ZNF141: variants seen among roughly 807,000 people sequenced by gnomAD.
ZNF141 encodes the protein zinc finger protein 141, also known as zinc finger protein 141 (clone pHZ-44).
Under a neutral mutation model 11.3 loss-of-function variants are expected in ZNF141, and 7 were observed. That is an observed-to-expected ratio of 0.62 (90% CI 0.35 to 1.16). ZNF141 has a LOEUF of 1.16. Among genes scored for constraint, ZNF141 ranks in the 50% most tolerant of loss-of-function variants. The probability of loss-of-function intolerance (pLI) is 0.02; values close to 1 mark genes in which losing one functional copy is unlikely to be tolerated. For missense variants in ZNF141, 535 were observed against 554.0 expected, an observed-to-expected ratio of 0.97 and a Z score of 0.34; for synonymous variants, 183 against 190.7, an observed-to-expected ratio of 0.96 and a Z score of 0.33.
Position 383,175 on chromosome 4 carries a change from T to A in ZNF141, c.*9313T>A. ...TGAGAAAAGCCAAAGTGCCTCAGTT[T>A]ACAGACAGCTCACTCACAGAAGCAG... is the stretch of plus-strand genomic sequence containing the variant. On this transcript the variant is annotated 3_prime_UTR_variant, in exon 4 of 4. Transcript: ENST00000240499. 1 of 701,724 alleles carries A rather than the reference T, an allele frequency of 1.4e-6. No individual in the cohort carries two copies. The highest frequency in any genetic ancestry group is 2.6e-6 in the Non-Finnish European group (1 of 384,554). 43.5% of individuals were successfully genotyped at this position (701,724 alleles called of 1,614,324 possible).
rs1286425025 is a variant in ZNF141 at position 376,593 on chromosome 4, C to G, written c.*2731C>G. 6.6e-6 allele frequency among the ~76,000 whole-genome samples: 1 copy of G among 152,058 alleles called. No homozygotes were observed. The highest frequency in any genetic ancestry group is 1.5e-5 in the Non-Finnish European group (1 of 67,932). ...TTTACATTTCTCTTTGAACATGTGG[C>G]ATCTTTTCCTGCAAACTTATACAAA... On this transcript the variant is annotated 3_prime_UTR_variant, in exon 4 of 4. Coordinates refer to ENST00000240499, the MANE Select transcript of ZNF141 (RefSeq NM_003441.4).
In ZNF141 at chr4:375,795, G is replaced by A. The variant is rs2108657867; in HGVS notation, c.*1933G>A. ...TGAAAGCATGTGATGAATTGTTGCT[G>A]CATCAGAGATAAGAGAGATTCTTTT... On this transcript the variant is annotated 3_prime_UTR_variant, in exon 4 of 4. Transcript: ENST00000240499. Among the ~76,000 whole-genome samples the A allele has an allele frequency of 6.6e-6, 1 of 152,190 alleles. No individual in the cohort carries two copies. The highest frequency in any genetic ancestry group is 3.4e-3 in the Middle Eastern group (1 of 294).
intron 3 of ZNF141, among the ~76,000 whole-genome samples, chr4:366,607 A>G (rs1711755975): frequency 6.6e-6 from 1 of 151,586 alleles, no homozygotes; most frequent in South Asian, 2.1e-4. Flanking sequence ...CAGCATTATC[A>G]ATGTTTTATA....
At chr4:351,524 G>A (rs529960276) in intron 3 of ZNF141, among the ~76,000 whole-genome samples, 57 of 152,224 alleles carry the variant, frequency 3.7e-4, no homozygotes, top group African/African-American at 1.4e-3. Flanking sequence ...ATGCCTGGCC[G>A]GAGAAACATT....
At position 376,318 on chromosome 4, in the gene ZNF141, G is replaced by A. The variant is rs1219281308; in HGVS notation, c.*2456G>A. ...TGTATTTTCACTCTTGTTATTTTCC[G>A]AAATTTTTGTGGGTACATAGTATGC... On this transcript the variant is annotated 3_prime_UTR_variant, in exon 4 of 4. Coordinates refer to ENST00000240499, the MANE Select transcript of ZNF141 (RefSeq NM_003441.4). 6.6e-6 allele frequency among the ~76,000 whole-genome samples: 1 copy of A among 151,824 alleles called. No homozygotes were observed. Among genetic ancestry groups the A allele is most frequent in the Non-Finnish European group, 1.5e-5 (1 of 67,850 alleles).
In ZNF141 at chr4:371,118, T is replaced by A. The variant is rs559631367; in HGVS notation, c.227-1546T>A. Among the ~76,000 whole-genome samples the A allele has an allele frequency of 5.8e-3, 849 of 147,138 alleles. 13 individuals are homozygous for A. Among genetic ancestry groups the A allele is most frequent in the South Asian group, 0.056 (263 of 4,694 alleles). ...TTTTTTATATTTTTAATGTTTTCAT[T>A]TATATATATATATATATTTTAATTA... On this transcript the variant is annotated intron_variant, in intron 3 of 3. Transcript: ENST00000240499.
At chr4:358,304 C>T (rs1479453472) in intron 3 of ZNF141, 18 of 360,704 alleles carry the variant, frequency 5.0e-5, no homozygotes, top group African/African-American at 3.6e-4. Flanking sequence ...TCTCCTGCCT[C>T]CGCCTCCCAA....
Position 384,378 on chromosome 4 carries a change from G to A in ZNF141, c.*10516G>A, listed in dbSNP as rs1712816268. 6.6e-6 allele frequency: 1 copy of A among 152,120 alleles called. No homozygotes were observed. The highest frequency in any genetic ancestry group is 2.4e-5 in the African/African-American group (1 of 41,378). The allele number at this position is 152,120 out of a possible 1,614,324, so 9.4% of individuals were successfully genotyped here. A position where few individuals can be genotyped will look rare whatever the true frequency, so the allele number is the denominator to read the frequency against. ...AGAGGCTGGTTAGGAAGATAGGGAG[G>A]GAAGGTCTTGGGAGATGAAAAACAC... On this transcript the variant is annotated 3_prime_UTR_variant, in exon 4 of 4. Transcript: ENST00000240499.
rs144317733 is a variant in ZNF141 at position 380,856 on chromosome 4, A to C, written c.*6994A>C. On this transcript the variant is annotated 3_prime_UTR_variant, in exon 4 of 4. Coordinates refer to ENST00000240499, the MANE Select transcript of ZNF141 (RefSeq NM_003441.4). ...GATTATCTTAAACACATTCTTAATAAAAATTTAACAAAAATTGTTAAATGT... is the reference window on the plus strand; with the variant it reads ...GATTATCTTAAACACATTCTTAATACAAATTTAACAAAAATTGTTAAATGT... 5.9e-3 allele frequency among the ~76,000 whole-genome samples: 903 copies of C among 152,296 alleles called. 15 individuals are homozygous for C. The South Asian group carries it at 0.063, about 11-fold the overall frequency.
At chr4:357,461 G>T (rs1721897731) in intron 3 of ZNF141, among the ~76,000 whole-genome samples, 1 of 151,366 alleles carries the variant, frequency 6.6e-6, no homozygotes, top group Non-Finnish European at 1.5e-5. Context: ...TTGAATTCTG[G>T]CAGTTTAATT....
chr4:369,949 T>C, intron 3 of ZNF141, among the ~76,000 whole-genome samples: 1 of 150,938 alleles, frequency 6.6e-6, no homozygotes, highest in Non-Finnish European at 1.5e-5. Context: ...GTATTTTTAG[T>C]AGAGACGGGG....
intron 3 of ZNF141, among the ~76,000 whole-genome samples, chr4:347,116 C>T (rs1386138437): frequency 2.7e-5 from 4 of 150,476 alleles, no homozygotes; most frequent in Admixed American, 2.7e-4. Context: ...TGGCTCACCA[C>T]AGCCTCTGGG....
At position 376,819 on chromosome 4, in the gene ZNF141, C is replaced by T. The variant is rs1401111537; in HGVS notation, c.*2957C>T. 6.6e-6 allele frequency among the ~76,000 whole-genome samples: 1 copy of T among 152,034 alleles called. No homozygotes were observed. The highest frequency in any genetic ancestry group is 2.4e-5 in the African/African-American group (1 of 41,430). On this transcript the variant is annotated 3_prime_UTR_variant, in exon 4 of 4. Transcript: ENST00000240499. Reference sequence around the variant, plus strand: ...TGGAAATCTAGAAGCCTGAAACATTCTATATTTTCTTCTTTTTATTTAATG... The same window carrying T: ...TGGAAATCTAGAAGCCTGAAACATTTTATATTTTCTTCTTTTTATTTAATG...
intron 3 of ZNF141, among the ~76,000 whole-genome samples, chr4:364,747 C>G (rs1711655048): frequency 6.6e-6 from 1 of 152,134 alleles, no homozygotes; most frequent in East Asian, 1.9e-4. Flanking sequence ...TCAGTCGACT[C>G]CTACTGGGAG....
intron 3 of ZNF141, among the ~76,000 whole-genome samples, chr4:371,136 T>TA (rs1560197617): frequency 6.8e-6 from 1 of 146,686 alleles, no homozygotes; most frequent in Non-Finnish European, 1.5e-5. Flanking sequence ...ATATATATAT[T>TA]TTAATTATAT....
chr4:341,186 G>A (rs142673772), intron 1 of ZNF141, among the ~76,000 whole-genome samples: 2,496 of 151,766 alleles, frequency 0.016, 27 homozygotes, highest in Middle Eastern at 0.041. Context: ...TCCTGCCTCC[G>A]AGTAGCTGGG....
chr4:356,081 A>C (rs944550686), intron 3 of ZNF141, among the ~76,000 whole-genome samples: 2 of 151,678 alleles, frequency 1.3e-5, no homozygotes, highest in South Asian at 2.1e-4. Context: ...AATGACAAAA[A>C]CTAGCCGGGT....
Position 337,972 on chromosome 4 carries a change from A to T in ZNF141, c.-12A>T. 4.3e-6 allele frequency: 7 copies of T among 1,613,202 alleles called. No individual in the cohort carries two copies. Among genetic ancestry groups the T allele is most frequent in the Non-Finnish European group, 5.9e-6 (7 of 1,179,410 alleles). On this transcript the variant is annotated 5_prime_UTR_variant, in exon 1 of 4. Transcript: ENST00000240499. Reference sequence around the variant, plus strand: ...GGTAGCTAAGACTCCCGAATACTTCAGAAGTGGGGAAATGGTGAGTGTGCG... The same window carrying T: ...GGTAGCTAAGACTCCCGAATACTTCTGAAGTGGGGAAATGGTGAGTGTGCG...
intron 1 of ZNF141, among the ~76,000 whole-genome samples, chr4:341,105 G>T (rs1721027535): frequency 6.7e-6 from 1 of 148,612 alleles, no homozygotes; most frequent in Admixed American, 6.7e-5. Context: ...ATCTCGCTCT[G>T]TCGCCAGGCT....
Sources: gnomAD v4.1 joint callset for allele counts (sites outside exome capture counted in the v4.1 genomes callset) on GRCh38, gnomAD v4.1.1 for gene constraint, MANE v1.5 for transcripts, NCBI Gene and HGNC (gene_info 2026-07-23, HGNC 2026-07-21) for gene names.